MECOM: variants seen among roughly 807,000 people sequenced by gnomAD.
MECOM encodes the protein MDS1 and EVI1 complex locus, also known as histone-lysine N-methyltransferase MECOM.
A neutral mutation model predicts 116.3 loss-of-function variants in MECOM; 13 were observed. The observed-to-expected ratio is 0.11, with a 90% CI of 0.07 to 0.18. MECOM has a LOEUF of 0.18. Ranked by LOEUF, MECOM falls within the 10% of genes least tolerant of loss-of-function variation. The pLI is 1.00. For missense variants in MECOM, 1,299 were observed against 1,509.0 expected, an observed-to-expected ratio of 0.86 and a Z score of 2.31; for synonymous variants, 528 against 535.2, an observed-to-expected ratio of 0.99 and a Z score of 0.19.
chr3:169,605,817 A>T (rs1298635765), intron 1 of MECOM, among the ~76,000 whole-genome samples: 1 of 152,210 alleles, frequency 6.6e-6, no homozygotes, highest in Non-Finnish European at 1.5e-5. Context: ...GAAGCCATGG[A>T]TATCATGTGG....
chr3:169,122,437 T>C, intron 6 of MECOM, 143 bp downstream of exon 6: 5 of 888,866 alleles, frequency 5.6e-6, no homozygotes, highest in Non-Finnish European at 8.5e-6. Flanking sequence ...TAATGCCTTT[T>C]AGCATACAAC....
At chr3:169,418,189 A>T (rs1271973015) in intron 1 of MECOM, among the ~76,000 whole-genome samples, 1 of 152,082 alleles carries the variant, frequency 6.6e-6, no homozygotes, top group African/African-American at 2.4e-5. Context: ...CCCTCTAAAG[A>T]CTAAACCAGG....
intron 1 of MECOM, among the ~76,000 whole-genome samples, chr3:169,549,474 T>G (rs139383559): frequency 4.9e-4 from 75 of 152,272 alleles, no homozygotes; most frequent in Middle Eastern, 3.4e-3. Context: ...AAACTTATCC[T>G]GATACCAAAA....
intron 2 of MECOM, among the ~76,000 whole-genome samples, chr3:169,193,439 A>G (rs1747983648): frequency 6.6e-6 from 1 of 151,988 alleles, no homozygotes; most frequent in Non-Finnish European, 1.5e-5. Flanking sequence ...TCTTTCAGTC[A>G]TTCCTTTCTG....
intron 3 of MECOM, among the ~76,000 whole-genome samples, chr3:169,135,673 G>A (rs1016332263): frequency 6.6e-6 from 1 of 151,728 alleles, no homozygotes; most frequent in South Asian, 2.1e-4. Context: ...AGTTGAGATG[G>A]TTTTTTCATT....
At chr3:169,279,212 C>G (rs1355037668) in intron 2 of MECOM, among the ~76,000 whole-genome samples, 4 of 152,170 alleles carry the variant, frequency 2.6e-5, no homozygotes, top group Admixed American at 1.3e-4. Context: ...ATCTTCACAA[C>G]TTAGAATTGG....
chr3:169,619,662 C>T (rs1048001108), intron 1 of MECOM, among the ~76,000 whole-genome samples: 4 of 152,104 alleles, frequency 2.6e-5, no homozygotes, highest in South Asian at 2.1e-4. Flanking sequence ...GAACTGAAGA[C>T]GGTAAATCAA....
intron 1 of MECOM, among the ~76,000 whole-genome samples, chr3:169,479,334 C>A (rs62294352): frequency 3.4e-4 from 51 of 150,816 alleles, no homozygotes; most frequent in Non-Finnish European, 6.6e-4. Flanking sequence ...GAAAGGGAGG[C>A]GTCTAGGAAC....
chr3:169,536,043 C>T lies in MECOM; in HGVS notation c.37+127293G>A, dbSNP rs138178856. Among the ~76,000 whole-genome samples, 606 of 152,312 alleles carry T rather than the reference C, an allele frequency of 4.0e-3. 3 individuals are homozygous for T. Among genetic ancestry groups the T allele is most frequent in the African/African-American group, 0.014 (586 of 41,568 alleles). On this transcript the variant is annotated intron_variant, in intron 1 of 16. Transcript: ENST00000651503. ...TATGCACTACTGTTTCATTTAATAA[C>T]AGCCCATGTGTTTAGAATCACCCAC...
chr3:169,111,014 C>G (rs1168382396), intron 9 of MECOM, among the ~76,000 whole-genome samples: 1 of 152,062 alleles, frequency 6.6e-6, no homozygotes, highest in Non-Finnish European at 1.5e-5. Context: ...AAATATATAC[C>G]TACTACATTG....
intron 1 of MECOM, among the ~76,000 whole-genome samples, chr3:169,461,776 A>G (rs1419640643): frequency 1.3e-5 from 2 of 152,174 alleles, no homozygotes; most frequent in African/African-American, 2.4e-5. Flanking sequence ...TAGTTCTTTA[A>G]CCTTTATAGA....
intron 2 of MECOM, among the ~76,000 whole-genome samples, chr3:169,250,170 A>G (rs1756083414): frequency 6.6e-6 from 1 of 152,188 alleles, no homozygotes; most frequent in Non-Finnish European, 1.5e-5. Context: ...TTTCAGCATC[A>G]GTGGTTTTAC....
intron 7 of MECOM, 61 bp downstream of exon 7, chr3:169,120,995 C>T: frequency 6.5e-7 from 1 of 1,534,320 alleles, no homozygotes; most frequent in South Asian, 1.3e-5. Flanking sequence ...CTCTCCTGGT[C>T]ACAGTGCCTT....
At chr3:169,379,239 T>C (rs1311859460) in intron 2 of MECOM, among the ~76,000 whole-genome samples, 1 of 151,378 alleles carries the variant, frequency 6.6e-6, no homozygotes. Context: ...TTACAAAAAG[T>C]CATTTCTTTG....
chr3:169,507,363 C>T (rs1176561978), intron 1 of MECOM, among the ~76,000 whole-genome samples: 1 of 152,178 alleles, frequency 6.6e-6, no homozygotes, highest in Non-Finnish European at 1.5e-5. Flanking sequence ...TCTTTGAAAA[C>T]ACTGGTGACG....
intron 2 of MECOM, among the ~76,000 whole-genome samples, chr3:169,331,325 A>C (rs1286543748): frequency 6.6e-6 from 1 of 152,082 alleles, no homozygotes; most frequent in Admixed American, 6.6e-5. Flanking sequence ...GACTCTCTGA[A>C]CCTAGTTTTT....
Position 169,092,970 on chromosome 3 carries a change from T to C in MECOM, c.3152A>G (p.Asn1051Ser). Residue 1051 changes from asparagine to serine, a missense_variant, in exon 14 of 17, where the codon AAT becomes AGT. Asn to Ser is a conservative substitution (Grantham distance 46). Transcript: ENST00000651503. ...NSNHGSQSPR[N>S]VEERMNGSHF... ...AAGACAGCTTTACCTCTCCTCCACA[T>C]TCCTGGGAGATTGGCTGCCATGGTT... The C allele has an allele frequency of 6.2e-7, 1 of 1,613,778 alleles. No homozygotes were observed. Among genetic ancestry groups the C allele is most frequent in the Non-Finnish European group, 8.5e-7 (1 of 1,179,744 alleles).
chr3:169,224,071 G>C (rs1322380439), intron 2 of MECOM, among the ~76,000 whole-genome samples: 1 of 152,170 alleles, frequency 6.6e-6, no homozygotes, highest in African/African-American at 2.4e-5. Flanking sequence ...ATGCCCCACT[G>C]ACGGGGGTGC....
At chr3:169,306,991 A>G (rs1244464596) in intron 2 of MECOM, among the ~76,000 whole-genome samples, 1 of 152,164 alleles carries the variant, frequency 6.6e-6, no homozygotes, top group East Asian at 1.9e-4. Flanking sequence ...CCAACTGTCC[A>G]CTTGATGCCA....
Sources: gnomAD v4.1 joint callset for allele counts (sites outside exome capture counted in the v4.1 genomes callset) on GRCh38, gnomAD v4.1.1 for gene constraint, MANE v1.5 for transcripts, NCBI Gene and HGNC (gene_info 2026-07-23, HGNC 2026-07-21) for gene names.